Variants in LRP1B observed in about 807,000 individuals in gnomAD.
The protein encoded by LRP1B is LDL receptor related protein 1B, also known as low-density lipoprotein receptor-related protein 1B.
A neutral mutation model predicts 556.6 loss-of-function variants in LRP1B; 217 were observed. The ratio of observed to expected loss-of-function variants is 0.39; its 90% CI spans 0.35 to 0.44. The LOEUF is 0.44. Ranked by LOEUF, LRP1B falls within the 20% of genes least tolerant of loss-of-function variation. The probability of loss-of-function intolerance (pLI) is 1.00; values close to 1 mark genes in which losing one functional copy is unlikely to be tolerated. For synonymous variants in LRP1B, 2,047 were observed against 1,865.8 expected (o/e 1.10, Z -2.50); for missense variants, 5,053 against 5,620.8 (o/e 0.90, Z 3.23).
In LRP1B at chr2:141,450,582, A is replaced by AT. The variant is rs1489103340; in HGVS notation, c.343+29813_343+29814insA. 3.9e-4 allele frequency among the ~76,000 whole-genome samples: 59 copies of AT among 150,852 alleles called. 1 individual carries two copies. The highest frequency in any genetic ancestry group is 1.5e-3 in the South Asian group (7 of 4,816). On this transcript the variant is annotated intron_variant, in intron 3 of 90. Transcript: ENST00000389484. The stretch of plus-strand genomic sequence containing the variant: ...AATAAAGATGCCATATTTTAAAAAA[A>AT]AATATATATATATAATTAGGAAGAA...
intron 3 of LRP1B, among the ~76,000 whole-genome samples, chr2:141,365,303 T>C (rs1163839790): frequency 6.6e-6 from 1 of 152,122 alleles, no homozygotes; most frequent in African/African-American, 2.4e-5. Flanking sequence ...CCTCAAGTGA[T>C]CCTCCCACTT....
chr2:140,883,687 CCA>C (rs1017715808), intron 25 of LRP1B, 128 bp downstream of exon 25: 40 of 543,230 alleles, frequency 7.4e-5, no homozygotes, highest in South Asian at 2.7e-4. Context: ...CCCGCCCCCG[CCA>C]CACACACACA....
At chr2:140,756,972 A>C (rs1559100013) in intron 35 of LRP1B, among the ~76,000 whole-genome samples, 1 of 152,208 alleles carries the variant, frequency 6.6e-6, no homozygotes, top group Non-Finnish European at 1.5e-5. Flanking sequence ...TATTAAAAAG[A>C]CAAAGACCCC....
intron 7 of LRP1B, among the ~76,000 whole-genome samples, chr2:141,097,580 C>G (rs1042745791): frequency 6.6e-6 from 1 of 152,068 alleles, no homozygotes; most frequent in Non-Finnish European, 1.5e-5. Context: ...TTTCATTTAT[C>G]TTGTCTACCT....
chr2:141,446,138 C>G (rs999267018), intron 3 of LRP1B, among the ~76,000 whole-genome samples: 3 of 152,072 alleles, frequency 2.0e-5, no homozygotes, highest in Non-Finnish European at 4.4e-5. Context: ...ATAGTTAGCT[C>G]TTCTTGTTGA....
intron 43 of LRP1B, among the ~76,000 whole-genome samples, chr2:140,587,265 G>A (rs935438647): frequency 6.6e-6 from 1 of 152,182 alleles, no homozygotes; most frequent in African/African-American, 2.4e-5. Flanking sequence ...CCTACAAGGA[G>A]AGGAGAAAGC....
In LRP1B at chr2:142,040,228, A is replaced by G. The variant is rs1386119186; in HGVS notation, c.82+90420T>C. On this transcript the variant is annotated intron_variant, in intron 1 of 90. Transcript: ENST00000389484. ...GCTTGCTGCTATCCACTTAATAATCAAAATGTTTGCCTAATACTATGCTTA... is the reference window on the plus strand; with the variant it reads ...GCTTGCTGCTATCCACTTAATAATCGAAATGTTTGCCTAATACTATGCTTA... 2.0e-5 allele frequency among the ~76,000 whole-genome samples: 3 copies of G among 151,576 alleles called. No individual in the cohort carries two copies. In the East Asian group the frequency reaches 5.8e-4, roughly 30 times the overall value.
chr2:140,551,916 T>G (rs1234017636), intron 43 of LRP1B, among the ~76,000 whole-genome samples: 3 of 152,190 alleles, frequency 2.0e-5, no homozygotes, highest in Non-Finnish European at 4.4e-5. Context: ...TCATGTGCAA[T>G]ACATAATTTA....
chr2:140,546,271 T>C (rs1574065527), intron 43 of LRP1B, among the ~76,000 whole-genome samples: 1 of 152,142 alleles, frequency 6.6e-6, no homozygotes, highest in East Asian at 1.9e-4. Flanking sequence ...ATGCCCCTTC[T>C]TTCTTTCTCT....
At chr2:141,026,629 C>G (rs1003292906) in intron 11 of LRP1B, among the ~76,000 whole-genome samples, 1 of 152,056 alleles carries the variant, frequency 6.6e-6, no homozygotes, top group African/African-American at 2.4e-5. Flanking sequence ...AAAGGCTAGA[C>G]AAATGCCTGT....
rs543520916 is a variant in LRP1B at position 140,496,751 on chromosome 2, T to C, written c.8851-1003A>G. Among the ~76,000 whole-genome samples, 66 of 152,178 alleles carry C rather than the reference T, an allele frequency of 4.3e-4. 4 individuals carry two copies. In the South Asian group the frequency reaches 0.013, roughly 31 times the overall value. On this transcript the variant is annotated intron_variant, in intron 55 of 90. Coordinates refer to ENST00000389484, the MANE Select transcript of LRP1B (RefSeq NM_018557.3). ...GAACCTATACTTGGCCAGATGATTATGATCACAGACTGATTAGTTGTCTTC... is the reference window on the plus strand; with the variant it reads ...GAACCTATACTTGGCCAGATGATTACGATCACAGACTGATTAGTTGTCTTC...
At chr2:141,548,398 G>A (rs1468329515) in intron 2 of LRP1B, among the ~76,000 whole-genome samples, 1 of 152,178 alleles carries the variant, frequency 6.6e-6, no homozygotes, top group Non-Finnish European at 1.5e-5. Flanking sequence ...ATGTGCAAAG[G>A]CACTTAGGCA....
chr2:140,437,022 G>T (rs760954250), intron 66 of LRP1B, among the ~76,000 whole-genome samples: 4 of 152,124 alleles, frequency 2.6e-5, no homozygotes, highest in Non-Finnish European at 4.4e-5. Flanking sequence ...AGGTTTACAG[G>T]ATCATGTGCT....
intron 7 of LRP1B, among the ~76,000 whole-genome samples, chr2:141,105,118 C>T (rs970397047): frequency 6.6e-6 from 1 of 152,002 alleles, no homozygotes; most frequent in Non-Finnish European, 1.5e-5. Flanking sequence ...TCAAAGTCTG[C>T]ATTTATCATT....
chr2:141,931,077 G>A (rs1344881497), intron 1 of LRP1B, among the ~76,000 whole-genome samples: 2 of 152,008 alleles, frequency 1.3e-5, no homozygotes, highest in African/African-American at 4.8e-5. Context: ...TATTACATAT[G>A]AGGAAATATT....
At chr2:141,441,027 G>A (rs1339795454) in intron 3 of LRP1B, among the ~76,000 whole-genome samples, 7 of 150,132 alleles carry the variant, frequency 4.7e-5, no homozygotes. Context: ...AGCTCAAAAT[G>A]TCAATAGTGT....
At chr2:141,903,123 T>G (rs1699668122) in intron 1 of LRP1B, among the ~76,000 whole-genome samples, 1 of 142,488 alleles carries the variant, frequency 7.0e-6, no homozygotes, top group South Asian at 2.3e-4. Context: ...GAAAAAAAGT[T>G]CCTAATTATA....
At position 140,883,892 on chromosome 2, in the gene LRP1B, T is replaced by C. The variant is rs777885644; in HGVS notation, c.4094A>G (p.Asp1365Gly). The stretch of plus-strand genomic sequence containing the variant: ...TATTAGTGTAGTTCTTAGGGAGCCA[T>C]CTAGTTTGGCCACTTCGATTTGGTC... ...NLDQIEVAKL[D>G]GSLRTTLIAG... The change falls in exon 25 of 91, where the codon GAT (aspartate) becomes GGT (glycine). Residue 1365 changes from aspartate (D) to glycine (G), a missense_variant. This residue lies in a region of LRP1B where 3,619 missense variants were observed against 3,931.9 expected (regional missense o/e 0.92). Transcript: ENST00000389484. 12 of 1,613,740 alleles carry C rather than the reference T, an allele frequency of 7.4e-6. No individual in the cohort carries two copies. Among genetic ancestry groups the C allele is most frequent in the Non-Finnish European group, 7.6e-6 (9 of 1,179,884 alleles).
intron 1 of LRP1B, among the ~76,000 whole-genome samples, chr2:141,923,397 C>CTT (rs58423542): frequency 0.87 from 103,868 of 119,878 alleles, 45,500 homozygotes; most frequent in East Asian, 1. Context: ...GAAATTATCT[C>CTT]TGTCACTATA....
Sources: gnomAD v4.1 joint callset for allele counts (sites outside exome capture counted in the v4.1 genomes callset) on GRCh38, gnomAD v4.1.1 for gene constraint, gnomAD v4.1.1 regional missense constraint, MANE v1.5 for transcripts, NCBI Gene and HGNC (gene_info 2026-07-23, HGNC 2026-07-21) for gene names.